Variants in PCDHA11 observed in about 807,000 individuals in gnomAD.
PCDHA11 encodes protocadherin alpha-11.
Under a neutral mutation model 70.3 loss-of-function variants are expected in PCDHA11, and 61 were observed. The observed-to-expected ratio is 0.87, with a 90% CI of 0.71 to 1.07. The LOEUF is 1.07. Ranked by LOEUF, PCDHA11 falls within the 50% of genes least tolerant of loss-of-function variation. The pLI is 0.00. For missense variants in PCDHA11, 1,324 were observed against 1,237.5 expected, an observed-to-expected ratio of 1.07 and a Z score of -1.05; for synonymous variants, 633 against 555.1, an observed-to-expected ratio of 1.14 and a Z score of -1.97.
intron 1 of PCDHA11, among the ~76,000 whole-genome samples, chr5:140,896,645 A>G (rs988054711): frequency 1.3e-5 from 2 of 151,728 alleles, no homozygotes; most frequent in African/African-American, 4.8e-5. Context: ...CCAAAGTGCT[A>G]GTATTACAGG....
In PCDHA11 at chr5:140,917,150, G is replaced by A. The variant is rs535773024; in HGVS notation, c.2391+45656G>A. Among the ~76,000 whole-genome samples the A allele has an allele frequency of 2.0e-5, 3 of 152,324 alleles. No individual in the cohort carries two copies. In the South Asian group the frequency reaches 6.2e-4, roughly 32 times the overall value. On this transcript the variant is annotated intron_variant, in intron 1 of 3. Transcript: ENST00000398640. ...CCCCACGTTGCTCAGCTGCTGCTGG[G>A]GGATATGGGAGGGGTGATGGTGGTG...
In PCDHA11 at chr5:140,983,247, G is replaced by A. The variant is rs112993813; in HGVS notation, c.2539+684G>A. ...ACTTTCAGGAAAGAGAACCTGCTAA[G>A]TTGTGTAAAAAACCTAATGGCTGGG... On this transcript the variant is annotated intron_variant, in intron 3 of 3. Coordinates refer to ENST00000398640, the MANE Select transcript of PCDHA11 (RefSeq NM_018902.5). Among the ~76,000 whole-genome samples the A allele has an allele frequency of 9.0e-3, 1,377 of 152,306 alleles. 16 individuals are homozygous for A. The highest frequency in any genetic ancestry group is 0.043 in the East Asian group (224 of 5,190).
At chr5:140,902,933 T>C (rs898632295) in intron 1 of PCDHA11, among the ~76,000 whole-genome samples, 56 of 152,346 alleles carry the variant, frequency 3.7e-4, no homozygotes, top group African/African-American at 1.2e-3. Flanking sequence ...GGTGTATATA[T>C]ACCACATTTT....
intron 1 of PCDHA11, among the ~76,000 whole-genome samples, chr5:140,890,587 G>T (rs2062701287): frequency 6.6e-6 from 1 of 151,988 alleles, no homozygotes; most frequent in African/African-American, 2.4e-5. Flanking sequence ...TTATTTGGAA[G>T]CCCTTTTCCG....
rs2054438060 is a variant in PCDHA11 at position 140,873,702 on chromosome 5, C to T, written c.2391+2208C>T. 9.2e-5 allele frequency among the ~76,000 whole-genome samples: 14 copies of T among 152,214 alleles called. No individual in the cohort carries two copies. In the South Asian group the frequency reaches 2.9e-3, roughly 32 times the overall value. ...TTGAGATAGAGTCTTGCTCTATCAC[C>T]CAGGCTGGTGTGCAGTGGCGCAATC... On this transcript the variant is annotated intron_variant, in intron 1 of 3. Transcript: ENST00000398640.
chr5:140,876,924 G>A, intron 1 of PCDHA11: 4 of 1,613,824 alleles, frequency 2.5e-6, no homozygotes, highest in Non-Finnish European at 3.4e-6. Flanking sequence ...ACGCGGACGC[G>A]CAGAAGAACG....
chr5:141,003,001 C>T (rs1403843420), intron 3 of PCDHA11, among the ~76,000 whole-genome samples: 3 of 152,182 alleles, frequency 2.0e-5, no homozygotes, highest in Admixed American at 1.3e-4. Flanking sequence ...AGTTTATGTT[C>T]TATTAGGGAA....
chr5:140,990,834 A>G (rs1554251782), intron 3 of PCDHA11, among the ~76,000 whole-genome samples: 1 of 152,234 alleles, frequency 6.6e-6, no homozygotes, highest in East Asian at 1.9e-4. Flanking sequence ...AAAGCCTATT[A>G]GCAAAAATAG....
intron 1 of PCDHA11, among the ~76,000 whole-genome samples, chr5:140,956,772 GT>G (rs2095308990): frequency 6.6e-6 from 1 of 152,202 alleles, no homozygotes; most frequent in African/African-American, 2.4e-5. Context: ...AATCTGTCTG[GT>G]CCTGGGCTTT....
chr5:140,907,034 C>G (rs1554192846), intron 1 of PCDHA11, among the ~76,000 whole-genome samples: 1 of 152,142 alleles, frequency 6.6e-6, no homozygotes, highest in Admixed American at 6.5e-5. Context: ...AACATAATGT[C>G]ACAGGGACAG....
intron 1 of PCDHA11, among the ~76,000 whole-genome samples, chr5:140,904,491 T>G (rs2071172626): frequency 6.6e-6 from 1 of 151,972 alleles, no homozygotes; most frequent in Non-Finnish European, 1.5e-5. Context: ...TGATTCCAAA[T>G]TTTTACAATT....
At chr5:140,960,162 C>T (rs782387212) in intron 1 of PCDHA11, among the ~76,000 whole-genome samples, 3 of 152,064 alleles carry the variant, frequency 2.0e-5, no homozygotes, top group Non-Finnish European at 4.4e-5. Context: ...ACTGATAATA[C>T]AATTCTTAAG....
At chr5:140,995,548 C>T (rs1554254718) in intron 3 of PCDHA11, among the ~76,000 whole-genome samples, 2 of 152,200 alleles carry the variant, frequency 1.3e-5, no homozygotes, top group Non-Finnish European at 2.9e-5. Context: ...GGGGCGATCA[C>T]TGTACTGAAT....
At chr5:140,937,378 G>A (rs1248709474) in intron 1 of PCDHA11, among the ~76,000 whole-genome samples, 2 of 152,248 alleles carry the variant, frequency 1.3e-5, no homozygotes, top group East Asian at 1.9e-4. Context: ...GTTTATGTGT[G>A]TGTATGTGTA....
intron 1 of PCDHA11, chr5:140,968,123 C>T (rs782499744): frequency 1.1e-5 from 17 of 1,614,058 alleles, no homozygotes; most frequent in Admixed American, 3.3e-5. Context: ...CACATCCCTG[C>T]GTACACTGAA....
intron 1 of PCDHA11, chr5:140,884,458 C>A: frequency 6.2e-7 from 1 of 1,613,736 alleles, no homozygotes; most frequent in Non-Finnish European, 8.5e-7. Flanking sequence ...CCACCGAGGG[C>A]GCGTGCGCGC....
chr5:140,986,073 G>A (rs1428668406), intron 3 of PCDHA11, among the ~76,000 whole-genome samples: 1 of 152,176 alleles, frequency 6.6e-6, no homozygotes, highest in East Asian at 1.9e-4. Context: ...TAAAGAAACT[G>A]TTCATTTATT....
intron 3 of PCDHA11, among the ~76,000 whole-genome samples, chr5:140,997,115 C>A (rs537421169): frequency 9.2e-5 from 14 of 152,116 alleles, no homozygotes; most frequent in Non-Finnish European, 1.6e-4. Flanking sequence ...TCCTGCTCTC[C>A]CACATACACA....
At chr5:140,967,136 C>CTT (rs1401459371) in intron 1 of PCDHA11, 1 of 1,611,568 alleles carries the variant, frequency 6.2e-7, no homozygotes, top group African/African-American at 1.3e-5. Context: ...CTTGGAAGTG[C>CTT]TGGCGCACAA....
Sources: gnomAD v4.1 joint callset for allele counts (sites outside exome capture counted in the v4.1 genomes callset) on GRCh38, gnomAD v4.1.1 for gene constraint, MANE v1.5 for transcripts, NCBI Gene and HGNC (gene_info 2026-07-23, HGNC 2026-07-21) for gene names.